The following PCLO variants were observed in gnomAD, a reference collection of about 807,000 sequenced individuals.
PCLO encodes protein piccolo.
A neutral mutation model predicts 427.5 loss-of-function variants in PCLO; 82 were observed. That is an observed-to-expected ratio of 0.19 (90% CI 0.16 to 0.23). PCLO has a LOEUF of 0.23. Ranked by LOEUF, PCLO falls within the 10% of genes least tolerant of loss-of-function variation. The pLI, the probability that PCLO is intolerant of heterozygous loss-of-function variation, is 1.00. For synonymous variants in PCLO, 2,357 were observed against 2,155.4 expected (o/e 1.09, Z -2.59); for missense variants, 6,239 against 6,115.9 (o/e 1.02, Z -0.67).
intron 9 of PCLO, among the ~76,000 whole-genome samples, chr7:82,895,834 A>G (rs1793890697): frequency 1.3e-5 from 2 of 151,968 alleles, no homozygotes; most frequent in Non-Finnish European, 2.9e-5. Flanking sequence ...CTTACTGAAA[A>G]AGAAAGCTTA....
At chr7:82,902,990 TTAA>T (rs1275752494) in intron 8 of PCLO, among the ~76,000 whole-genome samples, 4 of 152,042 alleles carry the variant, frequency 2.6e-5, no homozygotes, top group African/African-American at 9.7e-5. Context: ...ATTTGAAAAA[TTAA>T]TAAGTGCATG....
rs58410535 is a variant in PCLO, at chr7:83,086,487, GA to G, written c.3300+47762del. Among the ~76,000 whole-genome samples, 13 of 149,922 alleles carry G rather than the reference GA, an allele frequency of 8.7e-5. No individual in the cohort carries two copies. The East Asian group carries it at 1.4e-3, about 16-fold the overall frequency. On this transcript the variant is annotated intron_variant, in intron 3 of 24. Transcript: ENST00000333891. Reference sequence around the variant, plus strand: ...TGACAGGTAAAACCATGCCAAGTTGGAAAAAAAAAACATTTCCTAAGATAGA... The same window carrying G: ...TGACAGGTAAAACCATGCCAAGTTGGAAAAAAAAACATTTCCTAAGATAGA...
chr7:82,892,602 C>G (rs1282973422), intron 9 of PCLO, among the ~76,000 whole-genome samples: 1 of 151,830 alleles, frequency 6.6e-6, no homozygotes, highest in Non-Finnish European at 1.5e-5. Flanking sequence ...TAAAGAGCTT[C>G]TGCACAGCAA....
rs200789291 is a variant in PCLO at position 82,908,923 on chromosome 7, G to A, written c.13391C>T (p.Pro4464Leu). ...ENGHGLDRKL[P>L]ERLVHSRPLS... ...TGGTCTAGAGTGGACCAATCTTTCC[G>A]GCAGTTTTCGGTCCAGACCATGTCC... Residue 4464 changes from proline (P) to leucine (L), a missense_variant, in exon 8 of 25, where the codon CCG (proline) becomes CTG (leucine). Around this residue, in one of 5 missense-constraint regions of PCLO, gnomAD observed 877 missense variants for 925.5 expected, o/e 0.95. Transcript: ENST00000333891. 125 of 1,612,586 alleles carry A rather than the reference G, an allele frequency of 7.8e-5. 2 individuals are homozygous for A. Among genetic ancestry groups the A allele is most frequent in the Admixed American group, 2.8e-4 (17 of 59,890 alleles).
At chr7:82,773,276 A>G (rs1790682960) in intron 22 of PCLO, among the ~76,000 whole-genome samples, 1 of 152,192 alleles carries the variant, frequency 6.6e-6, no homozygotes, top group African/African-American at 2.4e-5. Context: ...CTGTGAGGAA[A>G]AATAATCTGT....
At chr7:83,012,585 C>G (rs1788107758) in intron 3 of PCLO, among the ~76,000 whole-genome samples, 1 of 143,800 alleles carries the variant, frequency 7.0e-6, no homozygotes, top group Non-Finnish European at 1.5e-5. Context: ...CAATTGCACT[C>G]CAGCCTGGGC....
At chr7:82,913,677 G>A (rs1174704250) in intron 7 of PCLO, among the ~76,000 whole-genome samples, 1 of 151,794 alleles carries the variant, frequency 6.6e-6, no homozygotes, top group Admixed American at 6.6e-5. Context: ...TTTCAAAAAT[G>A]TTTATGGTTG....
intron 13 of PCLO, among the ~76,000 whole-genome samples, chr7:82,843,596 C>T (rs980100911): frequency 6.0e-5 from 9 of 150,912 alleles, no homozygotes; most frequent in Admixed American, 4.0e-4. Flanking sequence ...TTCAAGTGTT[C>T]GGACCACAAA....
chr7:83,112,321 G>A (rs1019737654), intron 3 of PCLO, among the ~76,000 whole-genome samples: 1 of 152,182 alleles, frequency 6.6e-6, no homozygotes, highest in Non-Finnish European at 1.5e-5. Flanking sequence ...CTCCCAAAGT[G>A]TTGGGATTAC....
chr7:82,869,137 A>T (rs1378089111), intron 10 of PCLO, among the ~76,000 whole-genome samples: 1 of 152,126 alleles, frequency 6.6e-6, no homozygotes, highest in Non-Finnish European at 1.5e-5. Context: ...TGTATATAAA[A>T]GTTTAGATTT....
chr7:82,990,208 T>C (rs1301819584), intron 3 of PCLO, among the ~76,000 whole-genome samples: 2 of 152,000 alleles, frequency 1.3e-5, no homozygotes, highest in Non-Finnish European at 2.9e-5. Flanking sequence ...CTATTGAGGA[T>C]CTAGCAGAGT....
At chr7:82,834,789 G>C (rs1792185752) in intron 16 of PCLO, among the ~76,000 whole-genome samples, 1 of 152,058 alleles carries the variant, frequency 6.6e-6, no homozygotes, top group Non-Finnish European at 1.5e-5. Flanking sequence ...CTACTATTGG[G>C]AACAAAGGAA....
At chr7:82,924,233 A>G (rs2116311330) in intron 6 of PCLO, among the ~76,000 whole-genome samples, 1 of 152,198 alleles carries the variant, frequency 6.6e-6, no homozygotes, top group East Asian at 1.9e-4. Flanking sequence ...AAAAAGATAC[A>G]TTCTAGGTTA....
At chr7:83,091,921 C>T (rs1790387929) in intron 3 of PCLO, among the ~76,000 whole-genome samples, 1 of 152,124 alleles carries the variant, frequency 6.6e-6, no homozygotes, top group South Asian at 2.1e-4. Flanking sequence ...CTACATGCTA[C>T]AACCAAAAAT....
chr7:83,061,710 C>G (rs1422586184), intron 3 of PCLO, among the ~76,000 whole-genome samples: 1 of 152,152 alleles, frequency 6.6e-6, no homozygotes, highest in African/African-American at 2.4e-5. Flanking sequence ...TCTGCCTTTA[C>G]AGTTAAACTG....
At chr7:82,924,909 T>C (rs1794678830) in intron 6 of PCLO, among the ~76,000 whole-genome samples, 1 of 152,148 alleles carries the variant, frequency 6.6e-6, no homozygotes, top group Admixed American at 6.6e-5. Context: ...TACTGTTCAC[T>C]GTACTAAATA....
chr7:82,796,142 T>C (rs989568274), intron 22 of PCLO, among the ~76,000 whole-genome samples: 22 of 152,174 alleles, frequency 1.4e-4, no homozygotes, highest in Non-Finnish European at 3.1e-4. Flanking sequence ...TTTTTAGTGG[T>C]CAATCGATAC....
chr7:82,989,060 G>T (rs1796318336), intron 3 of PCLO, among the ~76,000 whole-genome samples: 1 of 151,850 alleles, frequency 6.6e-6, no homozygotes, highest in South Asian at 2.1e-4. Flanking sequence ...CTGACCTCAG[G>T]TGATTCGCCC....
intron 3 of PCLO, among the ~76,000 whole-genome samples, chr7:83,010,186 T>C (rs993951091): frequency 9.2e-5 from 14 of 151,900 alleles, no homozygotes; most frequent in Admixed American, 5.3e-4. Context: ...TAGCACTCCA[T>C]TCTAGAACTA....
Sources: allele counts gnomAD v4.1 joint callset (sites outside exome capture counted in the v4.1 genomes callset), GRCh38; gene constraint gnomAD v4.1.1; regional missense constraint gnomAD v4.1.1; transcripts MANE v1.5; gene names NCBI Gene and HGNC (gene_info 2026-07-23, HGNC 2026-07-21).